Variants in GLI3 observed in about 807,000 individuals in gnomAD.
GLI3 encodes the protein GLI family zinc finger 3.
In GLI3, 20 loss-of-function variants were observed where a neutral mutation model predicts 100.8. That is an observed-to-expected ratio of 0.20 (90% confidence interval 0.14 to 0.29). GLI3 has a LOEUF of 0.29. GLI3 is among the 10% of genes least tolerant of loss of function. The pLI is 1.00. For synonymous variants in GLI3, 938 were observed against 860.5 expected (o/e 1.09, Z -1.58); for missense variants, 2,040 against 2,128.5 (o/e 0.96, Z 0.82).
At chr7:42,122,433 T>G (rs1471142003) in intron 3 of GLI3, among the ~76,000 whole-genome samples, 2 of 151,650 alleles carry the variant, frequency 1.3e-5, no homozygotes, top group African/African-American at 4.8e-5. Context: ...GTATTCAAAC[T>G]TCAATCACTT....
intron 2 of GLI3, among the ~76,000 whole-genome samples, chr7:42,191,424 G>A (rs866749612): frequency 6.6e-5 from 10 of 152,084 alleles, no homozygotes; most frequent in African/African-American, 1.9e-4. Flanking sequence ...TTTGGGAGGC[G>A]GGCAGATAAC....
chr7:41,968,772 G>GAA (rs1241146630), intron 13 of GLI3, among the ~76,000 whole-genome samples: 12 of 137,888 alleles, frequency 8.7e-5, no homozygotes, highest in African/African-American at 2.9e-4. Flanking sequence ...AGGAAAGAAA[G>GAA]AAAGAAAGAA....
At chr7:42,092,927 C>T (rs1320303323) in intron 3 of GLI3, among the ~76,000 whole-genome samples, 2 of 151,832 alleles carry the variant, frequency 1.3e-5, no homozygotes, top group Non-Finnish European at 2.9e-5. Flanking sequence ...AATTCTCCTG[C>T]CTCAGCCTCC....
At chr7:42,231,959 A>G (rs1456281215) in intron 1 of GLI3, among the ~76,000 whole-genome samples, 1 of 152,166 alleles carries the variant, frequency 6.6e-6, no homozygotes, top group Admixed American at 6.5e-5. Flanking sequence ...TAAGCAATAT[A>G]ATGTCACACT....
At chr7:42,237,358 AAG>A (rs1298481994), upstream of GLI3, among the ~76,000 whole-genome samples, 1 of 151,914 alleles carries the variant, frequency 6.6e-6, no homozygotes, top group African/African-American at 2.4e-5. Flanking sequence ...AGGGAGGGGA[AAG>A]AGAAAGAAAG....
chr7:42,059,793 C>T (rs1024893361), intron 4 of GLI3, among the ~76,000 whole-genome samples: 8 of 152,254 alleles, frequency 5.3e-5, no homozygotes, highest in Non-Finnish European at 1.0e-4. Flanking sequence ...CTTTCCTCTC[C>T]TCTTCCCCTA....
At chr7:42,094,247 C>T (rs1785290238) in intron 3 of GLI3, among the ~76,000 whole-genome samples, 1 of 152,180 alleles carries the variant, frequency 6.6e-6, no homozygotes, top group Admixed American at 6.5e-5. Context: ...CTGTTCTGTG[C>T]TGCTTCAGTC....
At chr7:42,193,331 C>A (rs1260631056) in intron 2 of GLI3, among the ~76,000 whole-genome samples, 1 of 152,084 alleles carries the variant, frequency 6.6e-6, no homozygotes, top group Non-Finnish European at 1.5e-5. Flanking sequence ...AAAAATCCCT[C>A]GAGGAAGCTT....
intron 1 of GLI3, among the ~76,000 whole-genome samples, chr7:42,225,986 G>A (rs762462652): frequency 1.2e-4 from 18 of 152,138 alleles, no homozygotes; most frequent in South Asian, 2.1e-4. Context: ...ACTCTGCAGC[G>A]TCTTGAATTT....
chr7:42,127,947 A>G (rs1489654122), intron 3 of GLI3, among the ~76,000 whole-genome samples: 1 of 150,586 alleles, frequency 6.6e-6, no homozygotes, highest in African/African-American at 2.4e-5. Context: ...AGGAGGCAGG[A>G]GGCGGAAGTT....
intron 6 of GLI3, among the ~76,000 whole-genome samples, chr7:42,042,913 C>T (rs1046499198): frequency 6.6e-6 from 1 of 152,148 alleles, no homozygotes; most frequent in Non-Finnish European, 1.5e-5. Context: ...GTCACTCCAA[C>T]ACTGAGAGGT....
At chr7:42,173,411 C>T (rs1374026370) in intron 2 of GLI3, among the ~76,000 whole-genome samples, 1 of 152,154 alleles carries the variant, frequency 6.6e-6, no homozygotes, top group Non-Finnish European at 1.5e-5. Context: ...ATAAAACTAG[C>T]AGCATGAATG....
intron 4 of GLI3, among the ~76,000 whole-genome samples, chr7:42,054,741 T>C (rs1473445726): frequency 6.6e-6 from 1 of 152,090 alleles, no homozygotes; most frequent in Non-Finnish European, 1.5e-5. Context: ...ATCAGCACTT[T>C]GGGAGGCTGA....
chr7:42,110,886 C>A (rs1785689836), intron 3 of GLI3, among the ~76,000 whole-genome samples: 1 of 152,138 alleles, frequency 6.6e-6, no homozygotes. Flanking sequence ...CAAAATGGCT[C>A]CCAGCTCTGG....
chr7:42,104,812 C>T (rs559771654), intron 3 of GLI3, among the ~76,000 whole-genome samples: 15 of 152,206 alleles, frequency 9.9e-5, no homozygotes, highest in South Asian at 4.2e-4. Context: ...ACCTATTGGC[C>T]GTTCCACCAC....
intron 3 of GLI3, among the ~76,000 whole-genome samples, chr7:42,114,824 C>A (rs954978722): frequency 6.6e-6 from 1 of 151,906 alleles, no homozygotes; most frequent in Non-Finnish European, 1.5e-5. Flanking sequence ...GCCTCAGCCT[C>A]CTGAGTAGTT....
At chr7:42,052,878 C>T (rs914576316) in intron 4 of GLI3, among the ~76,000 whole-genome samples, 6 of 152,206 alleles carry the variant, frequency 3.9e-5, no homozygotes, top group Non-Finnish European at 8.8e-5. Flanking sequence ...ACTTCAACTA[C>T]CATAGCCAAA....
chr7:41,978,217 T>A (rs939752000), intron 11 of GLI3, among the ~76,000 whole-genome samples: 4 of 152,176 alleles, frequency 2.6e-5, no homozygotes, highest in African/African-American at 4.8e-5. Flanking sequence ...GCCTGAGGAC[T>A]CACTAGGAAA....
intron 2 of GLI3, among the ~76,000 whole-genome samples, chr7:42,190,197 GA>G (rs1345731764): frequency 1.3e-5 from 2 of 149,604 alleles, no homozygotes; most frequent in East Asian, 3.9e-4. Flanking sequence ...GGTAAGAAGT[GA>G]AAATAACAAC....
Sources: gnomAD v4.1 joint callset for allele counts (sites outside exome capture counted in the v4.1 genomes callset) on GRCh38, gnomAD v4.1.1 for gene constraint, MANE v1.5 for transcripts, NCBI Gene and HGNC (gene_info 2026-07-23, HGNC 2026-07-21) for gene names.